Variants in CPS1 observed in about 807,000 individuals in gnomAD.
CPS1 encodes carbamoyl-phosphate synthase [ammonia], mitochondrial.
In CPS1, 109 loss-of-function variants were observed where a neutral mutation model predicts 174.6. That is an observed-to-expected ratio of 0.62 (90% CI 0.53 to 0.73). The LOEUF (loss-of-function observed/expected upper bound fraction) is 0.73, where lower values mean the gene tolerates loss of function less well. Among genes scored for constraint, CPS1 ranks in the 30% least tolerant of loss-of-function variants. CPS1 has a pLI of 0.00. For synonymous variants in CPS1, 637 were observed against 632.0 expected (o/e 1.01, Z -0.12); for missense variants, 1,689 against 1,821.9 (o/e 0.93, Z 1.33).
chr2:210,665,456 C>CT, intron 33 of CPS1, among the ~76,000 whole-genome samples: 1 of 149,124 alleles, frequency 6.7e-6, no homozygotes, highest in Non-Finnish European at 1.5e-5. Flanking sequence ...GGTATATCTC[C>CT]TAATGCTATC....
intron 1 of CPS1, among the ~76,000 whole-genome samples, chr2:210,537,767 C>A (rs1696295360): frequency 6.6e-6 from 1 of 152,158 alleles, no homozygotes; most frequent in African/African-American, 2.4e-5. Flanking sequence ...TGTGCTTAGT[C>A]TGGCCTTGCG....
At position 210,592,951 on chromosome 2, in the gene CPS1, A is replaced by G; in HGVS notation, c.1159A>G (p.Thr387Ala). The G allele has an allele frequency of 1.2e-6, 2 of 1,611,948 alleles. No homozygotes were observed. The highest frequency in any genetic ancestry group is 1.7e-6 in the Non-Finnish European group (2 of 1,178,634). ...HPEVTPGPID[T>A]EYLFDSFFSL... ...AGAGGTCACCCCGGGGCCAATAGACACTGAGGTACGTCAAAAAGATGAGGC... is the reference window on the plus strand; with the variant it reads ...AGAGGTCACCCCGGGGCCAATAGACGCTGAGGTACGTCAAAAAGATGAGGC... The change falls in exon 11 of 38, where the codon ACT becomes GCT. Residue 387 changes from threonine to alanine, a missense_variant. Physicochemically the swap from Thr to Ala is moderately conservative, Grantham distance 58. Transcript: ENST00000233072.
chr2:210,627,617 C>A (rs927727460), intron 21 of CPS1, among the ~76,000 whole-genome samples: 1 of 152,134 alleles, frequency 6.6e-6, no homozygotes, highest in Non-Finnish European at 1.5e-5. Context: ...TATAAGGCAG[C>A]GACCATGCCT....
At chr2:210,588,259 CT>C in intron 7 of CPS1, 112 bp downstream of exon 7, 2 of 874,354 alleles carry the variant, frequency 2.3e-6, no homozygotes, top group Non-Finnish European at 3.8e-6. Context: ...TGTCAGGGGT[CT>C]ACATTCTTCT....
intron 28 of CPS1, among the ~76,000 whole-genome samples, chr2:210,651,824 TATTC>T (rs1700568453): frequency 6.6e-6 from 1 of 152,178 alleles, no homozygotes; most frequent in Non-Finnish European, 1.5e-5. Flanking sequence ...TCTATGTATG[TATTC>T]ATTTATTTAT....
intron 1 of CPS1, among the ~76,000 whole-genome samples, chr2:210,487,526 A>T (rs767085866): frequency 1.4e-4 from 22 of 152,248 alleles, no homozygotes; most frequent in Non-Finnish European, 2.5e-4. Context: ...TTTACATAAA[A>T]TAGAAAAGCA....
intron 11 of CPS1, chr2:210,593,337 T>A: frequency 8.8e-7 from 1 of 1,130,474 alleles, no homozygotes; most frequent in Non-Finnish European, 1.1e-6. Context: ...CAAAAATCCC[T>A]ATGGCAACTG....
intron 1 of CPS1, among the ~76,000 whole-genome samples, chr2:210,569,325 G>A (rs936022064): frequency 8.6e-5 from 13 of 151,964 alleles, no homozygotes; most frequent in African/African-American, 2.9e-4. Context: ...AGACCTCTCC[G>A]AGAAAATGAC....
At chr2:210,651,483 C>T (rs1257544211) in intron 28 of CPS1, among the ~76,000 whole-genome samples, 1 of 152,124 alleles carries the variant, frequency 6.6e-6, no homozygotes, top group Non-Finnish European at 1.5e-5. Flanking sequence ...GAGTGAGACA[C>T]CAACTGTCTT....
In CPS1 at chr2:210,477,832, A is replaced by T. The variant is rs1694437813; in HGVS notation, c.3+66A>T. ...GGTGTTTGAAGGAGCAACTCACAAG[A>T]GAGAAAAGGAAAACGAGAGACATTT... On this transcript the variant is annotated intron_variant, in intron 1 of 38. Transcript: ENST00000430249. 23 of 1,559,110 alleles carry T rather than the reference A, an allele frequency of 1.5e-5. No individual in the cohort carries two copies. The South Asian group carries it at 2.4e-4, about 16-fold the overall frequency.
chr2:210,503,292 C>T (rs554367485), intron 1 of CPS1, among the ~76,000 whole-genome samples: 13 of 152,138 alleles, frequency 8.5e-5, no homozygotes, highest in East Asian at 1.9e-4. Context: ...TAAGAAGCTT[C>T]GTGGGGGAAT....
chr2:210,520,186 A>T (rs1447532155), intron 1 of CPS1, among the ~76,000 whole-genome samples: 1 of 152,050 alleles, frequency 6.6e-6, no homozygotes, highest in Non-Finnish European at 1.5e-5. Context: ...TATAATTGAC[A>T]TCCAATAAAT....
At chr2:210,620,021 C>T (rs1173211845) in intron 21 of CPS1, 4 of 151,778 alleles carry the variant, frequency 2.6e-5, no homozygotes, top group East Asian at 1.9e-4. Flanking sequence ...CACCATGGCA[C>T]GTGTATACCT....
chr2:210,676,562 T>C (rs1391143465), intron 36 of CPS1, among the ~76,000 whole-genome samples: 1 of 152,186 alleles, frequency 6.6e-6, no homozygotes, highest in African/African-American at 2.4e-5. Flanking sequence ...GGCATTGTGT[T>C]CAAACCTTAG....
intron 32 of CPS1, among the ~76,000 whole-genome samples, 180 bp downstream of exon 32, chr2:210,660,835 G>A (rs777802369): frequency 2.0e-5 from 3 of 152,054 alleles, no homozygotes; most frequent in Non-Finnish European, 4.4e-5. Context: ...GTGAACTGTT[G>A]TACATTTCAA....
At chr2:210,667,986 T>A (rs1050115716) in intron 33 of CPS1, among the ~76,000 whole-genome samples, 200 bp from the exon 34 acceptor site, 9 of 152,072 alleles carry the variant, frequency 5.9e-5, no homozygotes, top group African/African-American at 2.2e-4. Flanking sequence ...AGCCTTTTAA[T>A]CCCTGGATTC....
upstream of CPS1, among the ~76,000 whole-genome samples, chr2:210,555,437 C>G (rs1574518870): frequency 1.3e-5 from 2 of 152,072 alleles, no homozygotes; most frequent in East Asian, 3.9e-4. Context: ...CTAGTATGAG[C>G]CTATTTTGTT....
At chr2:210,512,350 C>T (rs1243906516) in intron 1 of CPS1, among the ~76,000 whole-genome samples, 12 of 151,870 alleles carry the variant, frequency 7.9e-5, no homozygotes, top group Non-Finnish European at 1.5e-4. Context: ...TCCTTGTCCC[C>T]ATGCCTCCTT....
chr2:210,538,394 T>C (rs1462058669), intron 1 of CPS1, among the ~76,000 whole-genome samples: 1 of 152,134 alleles, frequency 6.6e-6, no homozygotes, highest in African/African-American at 2.4e-5. Context: ...GGAGGTTCAG[T>C]TGATCTTTAA....
Sources: allele counts gnomAD v4.1 joint callset (sites outside exome capture counted in the v4.1 genomes callset), GRCh38; gene constraint gnomAD v4.1.1; transcripts MANE v1.5; gene names NCBI Gene and HGNC (gene_info 2026-07-23, HGNC 2026-07-21).